Variants in DDX42 observed in about 807,000 individuals in gnomAD.
DDX42 encodes the protein ATP-dependent RNA helicase DDX42.
A neutral mutation model predicts 101.5 loss-of-function variants in DDX42; 22 were observed. The ratio of observed to expected loss-of-function variants is 0.22; its 90% CI spans 0.15 to 0.31. DDX42 has a LOEUF of 0.31. Ranked by LOEUF, DDX42 falls within the 10% of genes least tolerant of loss-of-function variation. The pLI is 1.00. For missense variants in DDX42, 849 were observed against 1,199.9 expected (o/e 0.71, Z 4.32); for synonymous variants, 402 against 401.2 (o/e 1.00, Z -0.02).
In DDX42 at chr17:63,810,498, TTC is replaced by T. The variant is rs1472580294; in HGVS notation, c.1253-13_1253-12del. 6.2e-7 allele frequency: 1 copy of T among 1,613,712 alleles called. No homozygotes were observed. The highest frequency in any genetic ancestry group is 1.1e-5 in the South Asian group (1 of 91,034). ...ATTTCAGGTTATAATAATTTTATTG[TTC>T]TGTTTCTTGCAGAGTACCAAGTTCG... On this transcript the variant is annotated splice_polypyrimidine_tract_variant and intron_variant, in intron 11 of 17. Transcript: ENST00000389924.
At chr17:63,811,648 G>A in intron 13 of DDX42, 1 of 532,066 alleles carries the variant, frequency 1.9e-6, no homozygotes, top group East Asian at 3.2e-5. Context: ...TTGGAATTCA[G>A]TTATGGCTGC....
chr17:63,815,862 C>T, intron 16 of DDX42, 189 bp downstream of exon 16: 1 of 337,148 alleles, frequency 3.0e-6, no homozygotes, highest in Non-Finnish European at 5.4e-6. Flanking sequence ...GAAGAAGCAT[C>T]TTTGTGTACT....
chr17:63,786,486 G>A (rs1266640712), intron 1 of DDX42, among the ~76,000 whole-genome samples: 3 of 151,376 alleles, frequency 2.0e-5, no homozygotes, highest in Non-Finnish European at 4.4e-5. Context: ...GTGCAGTGGC[G>A]TGATCATAGC....
chr17:63,806,399 T>C (rs2039840935), intron 7 of DDX42, 136 bp from the exon 8 acceptor site: 1 of 911,408 alleles, frequency 1.1e-6, no homozygotes, highest in Non-Finnish European at 1.5e-6. Flanking sequence ...CTTTTCATTG[T>C]ATGATTTTGG....
chr17:63,787,604 C>T (rs543803068), intron 2 of DDX42, among the ~76,000 whole-genome samples: 6 of 152,090 alleles, frequency 3.9e-5, no homozygotes, highest in African/African-American at 9.6e-5. Context: ...TCTGGGAGGC[C>T]GAGACGGATG....
In DDX42 at chr17:63,817,687, C is replaced by G. The variant is rs1038735377; in HGVS notation, c.2113-7C>G. The G allele has an allele frequency of 6.2e-7, 1 of 1,610,792 alleles. No homozygotes were observed. The highest frequency in any genetic ancestry group is 8.5e-7 in the Non-Finnish European group (1 of 1,177,440). Reference sequence around the variant, plus strand: ...TTACCTACTCCTGATGTCTCTTTCTCTTTCAGTCACAGTACAAGAGTCACT... The same window carrying G: ...TTACCTACTCCTGATGTCTCTTTCTGTTTCAGTCACAGTACAAGAGTCACT... On this transcript the variant is annotated splice_region_variant and splice_polypyrimidine_tract_variant and intron_variant, in intron 17 of 17. Coordinates refer to ENST00000389924, the MANE Select transcript of DDX42 (RefSeq NM_203499.3).
At chr17:63,817,462 G>T in intron 17 of DDX42, 1 of 502,166 alleles carries the variant, frequency 2.0e-6, no homozygotes, top group Non-Finnish European at 3.5e-6. Context: ...TAGCCAATCA[G>T]GCTATAAAAG....
chr17:63,776,326 C>G (rs2039420399), intron 1 of DDX42: 1 of 152,350 alleles, frequency 6.6e-6, no homozygotes, highest in African/African-American at 2.4e-5. Flanking sequence ...GGAATGTCTT[C>G]GTCTGCACGT....
chr17:63,773,884 A>G (rs1472376479), upstream of DDX42: 1 of 156,466 alleles, frequency 6.4e-6, no homozygotes, highest in Non-Finnish European at 1.4e-5. Context: ...CTCTAGTAGT[A>G]TATGCAACAG....
intron 15 of DDX42, among the ~76,000 whole-genome samples, chr17:63,814,971 G>C (rs546920101): frequency 6.6e-6 from 1 of 152,328 alleles, no homozygotes; most frequent in South Asian, 2.1e-4. Context: ...TCATAGGCGT[G>C]AGCCACCGCC....
chr17:63,793,064 C>T (rs1487909633), intron 3 of DDX42, among the ~76,000 whole-genome samples: 3 of 152,086 alleles, frequency 2.0e-5, no homozygotes, highest in Middle Eastern at 3.4e-3. Flanking sequence ...TTTCCTTTTT[C>T]ATCTTTCTGT....
intron 16 of DDX42, 138 bp from the exon 17 acceptor site, chr17:63,816,730 C>A (rs1598345288): frequency 3.8e-6 from 2 of 522,490 alleles, no homozygotes; most frequent in Non-Finnish European, 6.4e-6. Flanking sequence ...TCTTTTCTCA[C>A]AAAGCAGTAG....
intron 1 of DDX42, among the ~76,000 whole-genome samples, chr17:63,785,780 T>C (rs1199015365): frequency 6.6e-6 from 1 of 152,208 alleles, no homozygotes; most frequent in East Asian, 1.9e-4. Context: ...AGTGTTTCTA[T>C]TGGGCAGTTG....
rs945771197 is a variant in DDX42 at position 63,805,115 on chromosome 17, A to C, written c.666A>C (p.Glu222Asp). Residue 222 changes from glutamate (E) to aspartate (D), a missense_variant, in exon 7 of 18, where the codon GAA (glutamate) becomes GAC (aspartate). This residue lies in a region of DDX42 where 370 missense variants were observed against 608.8 expected (regional missense o/e 0.61). Transcript: ENST00000389924. ...PFEKNFYNEH[E>D]EITNLTPQQL... is the part of the protein sequence containing the mutation. Reference sequence around the variant, plus strand: ...AAAAAAACTTTTACAATGAGCATGAAGAGATAACCAACCTCACTCCACAGC... The same window carrying C: ...AAAAAAACTTTTACAATGAGCATGACGAGATAACCAACCTCACTCCACAGC... 6 of 1,613,092 alleles carry C rather than the reference A, an allele frequency of 3.7e-6. No individual in the cohort carries two copies. The highest frequency in any genetic ancestry group is 1.6e-4 in the Middle Eastern group (1 of 6,082).
In DDX42 at chr17:63,805,155, C is replaced by G; in HGVS notation, c.706C>G (p.Arg236Gly). 2 of 1,612,752 alleles carry G rather than the reference C, an allele frequency of 1.2e-6. No individual in the cohort carries two copies. Among genetic ancestry groups the G allele is most frequent in the Non-Finnish European group, 1.7e-6 (2 of 1,179,710 alleles). ...CACTCCACAGCAGTTAATAGATCTC[C>G]GGCATAAGCTCAATCTTCGGGTAAG... ...NLTPQQLIDL[R>G]HKLNLRVSGA... is the part of the protein sequence containing the mutation. Residue 236 changes from arginine (R) to glycine (G), a missense_variant, in exon 7 of 18, where the codon CGG becomes GGG. This residue lies in a region of DDX42 where 370 missense variants were observed against 608.8 expected (regional missense o/e 0.61). Transcript: ENST00000389924.
intron 7 of DDX42, 25 bp downstream of exon 7, chr17:63,805,200 CTTAATA>C (rs769831291): frequency 3.1e-6 from 5 of 1,603,662 alleles, no homozygotes; most frequent in East Asian, 2.2e-5. Context: ...GCTCAATATT[CTTAATA>C]TTAATGTTAA....
chr17:63,804,911 C>T (rs1457447732), intron 6 of DDX42, 160 bp from the exon 7 acceptor site: 1 of 831,384 alleles, frequency 1.2e-6, no homozygotes, highest in Non-Finnish European at 1.8e-6. Context: ...ACTAGCTATA[C>T]TTTTTAGGAT....
rs1266775452 is a variant in DDX42, at chr17:63,809,468, A to C, written c.1153-92A>C. On this transcript the variant is annotated intron_variant, in intron 10 of 17. Coordinates refer to ENST00000389924, the MANE Select transcript of DDX42 (RefSeq NM_203499.3). ...AGTATCTATTACAGTCTGAGACTAG[A>C]GAATTAGCACTTTTGCCAGGAGTGC... The C allele has an allele frequency of 2.6e-5, 25 of 952,568 alleles. No individual in the cohort carries two copies. In the East Asian group the frequency reaches 4.9e-4, roughly 19 times the overall value. The allele number at this position is 952,568 out of a possible 1,614,324, so 59.0% of individuals were successfully genotyped here.
At chr17:63,812,440 A>G (rs866111147) in intron 14 of DDX42, among the ~76,000 whole-genome samples, 10 of 152,208 alleles carry the variant, frequency 6.6e-5, no homozygotes, top group African/African-American at 2.4e-4. Flanking sequence ...CCCTGCAGCT[A>G]GAAGTCACTC....
Sources: allele counts gnomAD v4.1 joint callset (sites outside exome capture counted in the v4.1 genomes callset), GRCh38; gene constraint gnomAD v4.1.1; regional missense constraint gnomAD v4.1.1; transcripts MANE v1.5; gene names NCBI Gene and HGNC (gene_info 2026-07-23, HGNC 2026-07-21).